The following NFAT5 variants were observed in gnomAD, a reference collection of about 807,000 sequenced individuals.
The protein encoded by NFAT5 is nuclear factor of activated T-cells 5.
A neutral mutation model predicts 166.5 loss-of-function variants in NFAT5; 31 were observed. The observed-to-expected ratio is 0.19, with a 90% CI of 0.14 to 0.25. NFAT5 has a LOEUF of 0.25. Ranked by LOEUF, NFAT5 falls within the 10% of genes least tolerant of loss-of-function variation. The pLI, the probability that NFAT5 is intolerant of heterozygous loss-of-function variation, is 1.00. For synonymous variants in NFAT5, 612 were observed against 639.7 expected (o/e 0.96, Z 0.65); for missense variants, 1,449 against 1,821.8 (o/e 0.80, Z 3.72).
At chr16:69,597,441 T>A (rs1179986104) in intron 2 of NFAT5, among the ~76,000 whole-genome samples, 1 of 152,170 alleles carries the variant, frequency 6.6e-6, no homozygotes, top group African/African-American at 2.4e-5. Flanking sequence ...GAAAATAGGT[T>A]AACAGTGCAC....
rs772890885 is a variant in NFAT5, at chr16:69,670,140, T to C, written c.1504+29T>C. ...AGTACGCATATTTGTGGTACAGATA[T>C]TTGTATGTTTTCACTTTGTTATATG... On this transcript the variant is annotated intron_variant, in intron 8 of 14. Coordinates refer to ENST00000349945, the MANE Select transcript of NFAT5 (RefSeq NM_138713.4). 2.5e-6 allele frequency: 4 copies of C among 1,602,094 alleles called. No homozygotes were observed. In the African/African-American group the frequency reaches 5.4e-5, roughly 22 times the overall value.
At chr16:69,602,449 G>A (rs902850711) in intron 2 of NFAT5, among the ~76,000 whole-genome samples, 3 of 151,760 alleles carry the variant, frequency 2.0e-5, no homozygotes, top group African/African-American at 7.3e-5. Flanking sequence ...TGTATTTTTA[G>A]TAGAAATGAG....
intron 10 of NFAT5, among the ~76,000 whole-genome samples, chr16:69,682,900 A>G (rs1280317144): frequency 6.6e-6 from 1 of 152,190 alleles, no homozygotes; most frequent in East Asian, 1.9e-4. Context: ...GTTAGAAAAT[A>G]TAAAATAAAT....
chr16:69,609,819 GAAAAAAA>G lies in NFAT5; in HGVS notation c.128-16568_128-16562del, dbSNP rs1157655325. 3.3e-4 allele frequency among the ~76,000 whole-genome samples: 25 copies of G among 75,320 alleles called. No individual in the cohort carries two copies. In the South Asian group the frequency reaches 5.1e-3, roughly 15 times the overall value. The allele number at this position is 75,320 out of a possible 152,430, so 49.4% of individuals were successfully genotyped here. Reference sequence around the variant, plus strand: ...AACATGGTGAGACCCTGTCTCTACTGAAAAAAAAAAAAAAAAAAAAAAGAAAAAAGAA... The same window carrying G: ...AACATGGTGAGACCCTGTCTCTACTGAAAAAAAAAAAAAAAGAAAAAAGAA... On this transcript the variant is annotated intron_variant, in intron 2 of 14. Transcript: ENST00000349945.
At chr16:69,630,247 C>G (rs141039288) in intron 3 of NFAT5, among the ~76,000 whole-genome samples, 2,976 of 152,110 alleles carry the variant, frequency 0.02, 38 homozygotes, top group Non-Finnish European at 0.031. Context: ...GGGATGGTCT[C>G]GAACGAACTC....
At chr16:69,636,474 G>A (rs1437821762) in intron 3 of NFAT5, among the ~76,000 whole-genome samples, 2 of 152,208 alleles carry the variant, frequency 1.3e-5, no homozygotes, top group Admixed American at 6.5e-5. Context: ...TGCCCTAGCA[G>A]AGGTTCTCCG....
intron 2 of NFAT5, among the ~76,000 whole-genome samples, chr16:69,592,153 C>A (rs955665558): frequency 1.4e-5 from 2 of 142,308 alleles, no homozygotes; most frequent in African/African-American, 5.2e-5. Context: ...GATCTCGGCT[C>A]ACTGCAACCT....
chr16:69,653,196 CTT>C, intron 4 of NFAT5, 38 bp from the exon 5 acceptor site: 2 of 1,342,382 alleles, frequency 1.5e-6, no homozygotes, highest in Non-Finnish European at 1.0e-6. Context: ...TCAAAAAACT[CTT>C]TTTGATACTT....
intron 2 of NFAT5, among the ~76,000 whole-genome samples, chr16:69,615,689 G>C (rs753418318): frequency 1.3e-4 from 19 of 151,948 alleles, no homozygotes; most frequent in Non-Finnish European, 2.4e-4. Context: ...TTCTCTCTCT[G>C]TTTGTAACTC....
At chr16:69,609,820 A>G (rs1313144974) in intron 2 of NFAT5, among the ~76,000 whole-genome samples, 4 of 73,126 alleles carry the variant, frequency 5.5e-5, no homozygotes, top group Admixed American at 1.1e-4. Context: ...GTCTCTACTG[A>G]AAAAAAAAAA....
chr16:69,691,516 A>T (rs1336827400), intron 12 of NFAT5, among the ~76,000 whole-genome samples: 2 of 152,134 alleles, frequency 1.3e-5, no homozygotes, highest in Non-Finnish European at 2.9e-5. Context: ...CGATTATTCT[A>T]CTTCCTTGTT....
In NFAT5 at chr16:69,576,357, C is replaced by T. The variant is rs2016751599; in HGVS notation, c.127+7809C>T. Among the ~76,000 whole-genome samples, 2 of 149,082 alleles carry T rather than the reference C, an allele frequency of 1.3e-5. 1 individual carries two copies. The highest frequency in any genetic ancestry group is 1.3e-4 in the Admixed American group (2 of 15,000). ...TATACTTTGGGCCCTAATAAGATTACACCATTGTTCAGATGGTATAAAAAG... is the reference window on the plus strand; with the variant it reads ...TATACTTTGGGCCCTAATAAGATTATACCATTGTTCAGATGGTATAAAAAG... On this transcript the variant is annotated intron_variant, in intron 2 of 14. Coordinates refer to ENST00000349945, the MANE Select transcript of NFAT5 (RefSeq NM_138713.4).
intron 13 of NFAT5, 35 bp downstream of exon 13, chr16:69,694,274 CATTATT>C (rs776696275): frequency 1.4e-4 from 206 of 1,499,658 alleles, no homozygotes; most frequent in Non-Finnish European, 1.7e-4. Flanking sequence ...CTTAATTGGT[CATTATT>C]ATTATTAGAA....
intron 2 of NFAT5, among the ~76,000 whole-genome samples, chr16:69,569,960 A>G (rs1421704296): frequency 3.9e-5 from 6 of 152,214 alleles, no homozygotes; most frequent in Non-Finnish European, 7.3e-5. Flanking sequence ...TTGTAGAGAC[A>G]TATTTGTCTG....
At position 69,688,202 on chromosome 16, in the gene NFAT5, C is replaced by CAAAAAAAAAAAAAAAA. The variant is rs1188158260; in HGVS notation, c.1775-2729_1775-2714dup. ...TGGGCGACAGAGCGAGACTCCGTCT[C>CAAAAAAAAAAAAAAAA]AAAAAAAAAAAAAAAAAAAAAAAAC... On this transcript the variant is annotated intron_variant, in intron 11 of 14. Coordinates refer to ENST00000349945, the MANE Select transcript of NFAT5 (RefSeq NM_138713.4). Among the ~76,000 whole-genome samples, 81 of 49,466 alleles carry CAAAAAAAAAAAAAAAA rather than the reference C, an allele frequency of 1.6e-3. 1 individual carries two copies. The highest frequency in any genetic ancestry group is 2.3e-3 in the Non-Finnish European group (55 of 23,726). The allele number at this position is 49,466 out of a possible 152,430, so 32.5% of individuals were successfully genotyped here.
chr16:69,675,485 A>G (rs958724263), intron 9 of NFAT5, among the ~76,000 whole-genome samples: 1 of 152,154 alleles, frequency 6.6e-6, no homozygotes, highest in Non-Finnish European at 1.5e-5. Flanking sequence ...ATGACCTTGT[A>G]TGTGTTCAGA....
intron 7 of NFAT5, among the ~76,000 whole-genome samples, chr16:69,664,652 A>C (rs2036287172): frequency 6.6e-6 from 1 of 152,156 alleles, no homozygotes; most frequent in African/African-American, 2.4e-5. Context: ...AATACCAAAA[A>C]GGTGATTTTT....
At position 69,690,827 on chromosome 16, in the gene NFAT5, T is replaced by G. The variant is rs142222391; in HGVS notation, c.1775-113T>G. 6.7e-4 allele frequency: 553 copies of G among 830,400 alleles called. 3 individuals carry two copies. In the East Asian group the frequency reaches 0.014, roughly 21 times the overall value. 51.4% of individuals were successfully genotyped at this position (830,400 alleles called of 1,614,324 possible). A position where few individuals can be genotyped will look rare whatever the true frequency, so the allele number is the denominator to read the frequency against. On this transcript the variant is annotated intron_variant, in intron 11 of 14. Coordinates refer to ENST00000349945, the MANE Select transcript of NFAT5 (RefSeq NM_138713.4). ...CCAGGTTTGTATCTCATGCTACCATTGTAGCATCAAAAAAATAGACATTTA... is the reference window on the plus strand; with the variant it reads ...CCAGGTTTGTATCTCATGCTACCATGGTAGCATCAAAAAAATAGACATTTA...
At chr16:69,634,462 G>T (rs961877596) in intron 3 of NFAT5, among the ~76,000 whole-genome samples, 1 of 152,014 alleles carries the variant, frequency 6.6e-6, no homozygotes, top group Non-Finnish European at 1.5e-5. Context: ...GGATATATTA[G>T]ATACTTGATG....
Sources: gnomAD v4.1 joint callset for allele counts (sites outside exome capture counted in the v4.1 genomes callset) on GRCh38, gnomAD v4.1.1 for gene constraint, MANE v1.5 for transcripts, NCBI Gene and HGNC (gene_info 2026-07-23, HGNC 2026-07-21) for gene names.